CTNND2: variants seen among roughly 807,000 people sequenced by gnomAD.
The protein encoded by CTNND2 is catenin delta 2.
Under a neutral mutation model 144.4 loss-of-function variants are expected in CTNND2, and 22 were observed. That is an observed-to-expected ratio of 0.15 (90% CI 0.11 to 0.22). CTNND2 has a LOEUF of 0.22. CTNND2 is among the 10% of genes least tolerant of loss of function. CTNND2 has a pLI of 1.00. For synonymous variants in CTNND2, 751 were observed against 695.6 expected (o/e 1.08, Z -1.25); for missense variants, 1,353 against 1,618.8 (o/e 0.84, Z 2.82).
chr5:10,994,637 C>T (rs1218072683), intron 18 of CTNND2, among the ~76,000 whole-genome samples: 1 of 152,092 alleles, frequency 6.6e-6, no homozygotes, highest in African/African-American at 2.4e-5. Context: ...ATCTTGGCTT[C>T]CCAGCCCACA....
intron 2 of CTNND2, among the ~76,000 whole-genome samples, chr5:11,647,986 C>T (rs1782452365): frequency 6.6e-6 from 1 of 152,158 alleles, no homozygotes; most frequent in African/African-American, 2.4e-5. Flanking sequence ...CTAAATCTTA[C>T]TTAACTTTCA....
intron 3 of CTNND2, among the ~76,000 whole-genome samples, chr5:11,512,118 T>A (rs1314653119): frequency 6.6e-6 from 1 of 152,198 alleles, no homozygotes; most frequent in Non-Finnish European, 1.5e-5. Flanking sequence ...CTTGGGCATA[T>A]GACCTACGCA....
chr5:11,839,784 TAG>T (rs113307076), intron 1 of CTNND2, among the ~76,000 whole-genome samples: 444 of 143,922 alleles, frequency 3.1e-3, no homozygotes, highest in Non-Finnish European at 3.4e-3. Flanking sequence ...TAGACATAGG[TAG>T]AGAGAGAGAG....
chr5:11,640,501 T>C (rs1022603978), intron 2 of CTNND2, among the ~76,000 whole-genome samples: 1 of 152,222 alleles, frequency 6.6e-6, no homozygotes, highest in Non-Finnish European at 1.5e-5. Flanking sequence ...TGTTACACTA[T>C]CTAGAAAAAA....
intron 12 of CTNND2, among the ~76,000 whole-genome samples, chr5:11,148,476 G>A (rs1358573284): frequency 6.6e-6 from 1 of 152,210 alleles, no homozygotes; most frequent in Non-Finnish European, 1.5e-5. Flanking sequence ...GCAGGCAGGT[G>A]CATCTGGGCT....
intron 12 of CTNND2, among the ~76,000 whole-genome samples, chr5:11,118,472 T>C (rs951047073): frequency 6.6e-6 from 1 of 152,144 alleles, no homozygotes; most frequent in African/African-American, 2.4e-5. Context: ...TTCTCAAACT[T>C]TGGGAGCATC....
Position 11,402,712 on chromosome 5 carries a change from A to G in CTNND2, c.440-5509T>C, listed in dbSNP as rs117577931. Among the ~76,000 whole-genome samples, 67 of 152,330 alleles carry G rather than the reference A, an allele frequency of 4.4e-4. 1 individual carries two copies. The East Asian group carries it at 8.1e-3, about 18-fold the overall frequency. On this transcript the variant is annotated intron_variant, in intron 5 of 21. Transcript: ENST00000304623. Reference sequence around the variant, plus strand: ...TACCATTCCAAAAATGAGCTGAGAGAAAAAGCCCAAGGGGCTTGTTATGCA... The same window carrying G: ...TACCATTCCAAAAATGAGCTGAGAGGAAAAGCCCAAGGGGCTTGTTATGCA...
At chr5:11,451,216 T>C (rs1043110893) in intron 3 of CTNND2, among the ~76,000 whole-genome samples, 1 of 152,112 alleles carries the variant, frequency 6.6e-6, no homozygotes, top group Non-Finnish European at 1.5e-5. Flanking sequence ...TCCCGTAACG[T>C]CTTTGTCAAT....
chr5:11,187,906 CT>C (rs1194695380), intron 11 of CTNND2, among the ~76,000 whole-genome samples: 1 of 152,166 alleles, frequency 6.6e-6, no homozygotes, highest in Non-Finnish European at 1.5e-5. Context: ...AATGAGACAC[CT>C]TCTCATACCA....
In CTNND2 at chr5:11,010,061, A is replaced by G. The variant is rs556588045; in HGVS notation, c.3084+7913T>C. Among the ~76,000 whole-genome samples the G allele has an allele frequency of 9.8e-5, 15 of 152,370 alleles. No homozygotes were observed. In the South Asian group the frequency reaches 2.9e-3, roughly 29 times the overall value. On this transcript the variant is annotated intron_variant, in intron 18 of 21. Transcript: ENST00000304623. ...TTACTTGACATCAAGTGATTTAGAA[A>G]AGAAAGAACTTGAGGAGCTACAATT... is the stretch of plus-strand genomic sequence containing the variant.
intron 9 of CTNND2, among the ~76,000 whole-genome samples, chr5:11,297,923 G>A (rs1387570905): frequency 6.6e-6 from 1 of 152,126 alleles, no homozygotes. Context: ...TCATCCTAAT[G>A]TTAAAGTAAA....
chr5:11,712,490 T>G (rs1786087212), intron 2 of CTNND2, among the ~76,000 whole-genome samples: 1 of 152,182 alleles, frequency 6.6e-6, no homozygotes, highest in African/African-American at 2.4e-5. Context: ...GCTGAAATGT[T>G]TGTACTGTTC....
In CTNND2 at chr5:11,800,502, T is replaced by C. The variant is rs184630638; in HGVS notation, c.38-68230A>G. Among the ~76,000 whole-genome samples, 25 of 152,292 alleles carry C rather than the reference T, an allele frequency of 1.6e-4. No homozygotes were observed. In the East Asian group the frequency reaches 4.8e-3, roughly 29 times the overall value. On this transcript the variant is annotated intron_variant, in intron 1 of 21. Transcript: ENST00000304623. Reference sequence around the variant, plus strand: ...GCAGAATTAATAAACAGAAACTGACTAGCATACATCCCTTAATTTATTCAC... The same window carrying C: ...GCAGAATTAATAAACAGAAACTGACCAGCATACATCCCTTAATTTATTCAC...
At position 10,973,741 on chromosome 5, in the gene CTNND2, G is replaced by C. The variant is rs778359621; in HGVS notation, c.3418-28C>G. The C allele has an allele frequency of 6.4e-7, 1 of 1,556,766 alleles. No homozygotes were observed. The highest frequency in any genetic ancestry group is 1.2e-5 in the South Asian group (1 of 80,388). ...AAACGGGAAAGAAGAGCCACACTGG[G>C]TTACTTGGTTTCCCTTGACTCAGCC... On this transcript the variant is annotated intron_variant, in intron 21 of 21. Transcript: ENST00000304623. The surrounding 1 kb of genome is among the most constrained non-coding windows in gnomAD (Gnocchi z 5.6).
chr5:11,201,936 C>G (rs1030846145), intron 10 of CTNND2, among the ~76,000 whole-genome samples: 13 of 152,148 alleles, frequency 8.5e-5, no homozygotes, highest in East Asian at 3.9e-4. Context: ...AGCACATCCA[C>G]TTTATTATAG....
chr5:11,564,334 C>T (rs760321480), intron 3 of CTNND2, among the ~76,000 whole-genome samples: 1 of 152,126 alleles, frequency 6.6e-6, no homozygotes, highest in Non-Finnish European at 1.5e-5. Flanking sequence ...TTTTCATATA[C>T]GAAAGCCTGG....
intron 9 of CTNND2, among the ~76,000 whole-genome samples, chr5:11,243,011 C>T (rs1742616120): frequency 6.6e-6 from 1 of 152,096 alleles, no homozygotes; most frequent in Non-Finnish European, 1.5e-5. Context: ...TTTAAGACTG[C>T]CAAAAGGGAT....
chr5:11,202,304 C>T (rs1254221233), intron 10 of CTNND2, among the ~76,000 whole-genome samples: 1 of 152,004 alleles, frequency 6.6e-6, no homozygotes, highest in African/African-American at 2.4e-5. Context: ...TGAATTCAAA[C>T]TGAATGCAGC....
intron 11 of CTNND2, among the ~76,000 whole-genome samples, chr5:11,183,528 A>C (rs1735316660): frequency 6.6e-6 from 1 of 152,066 alleles, no homozygotes; most frequent in Non-Finnish European, 1.5e-5. Flanking sequence ...ACTGCTAAAG[A>C]AGAGCAAATC....
Sources: allele counts gnomAD v4.1 joint callset (sites outside exome capture counted in the v4.1 genomes callset), GRCh38; gene constraint gnomAD v4.1.1; non-coding constraint Gnocchi (gnomAD v3.1); transcripts MANE v1.5; gene names NCBI Gene and HGNC (gene_info 2026-07-23, HGNC 2026-07-21).